TRPM6: variants seen among roughly 807,000 people sequenced by gnomAD.
TRPM6 encodes transient receptor potential cation channel subfamily M member 6.
TRPM6 carries 111 observed loss-of-function variants against 247.6 expected under a neutral mutation model. That is an observed-to-expected ratio of 0.45 (90% CI 0.38 to 0.52). TRPM6 has a LOEUF of 0.52. Ranked by LOEUF, TRPM6 falls within the 20% of genes least tolerant of loss-of-function variation. The probability of loss-of-function intolerance (pLI) is 0.00; values close to 1 mark genes in which losing one functional copy is unlikely to be tolerated. For missense variants in TRPM6, 2,126 were observed against 2,421.5 expected (o/e 0.88, Z 2.56); for synonymous variants, 892 against 853.8 (o/e 1.04, Z -0.78).
Position 74,832,988 on chromosome 9 carries a change from T to C in TRPM6, c.669+1010A>G, listed in dbSNP as rs532969535. On this transcript the variant is annotated intron_variant, in intron 6 of 38. Coordinates refer to ENST00000360774, the MANE Select transcript of TRPM6 (RefSeq NM_017662.5). ...ATTGCTTGAACCCAGGAGGTGGAGATTGCAGTGAGCCAAGACTGCGCCACT... is the reference window on the plus strand; with the variant it reads ...ATTGCTTGAACCCAGGAGGTGGAGACTGCAGTGAGCCAAGACTGCGCCACT... Among the ~76,000 whole-genome samples the C allele has an allele frequency of 4.3e-4, 66 of 151,980 alleles. 1 individual carries two copies. The South Asian group carries it at 0.014, about 31-fold the overall frequency.
Position 74,746,013 on chromosome 9 carries a change from C to A in TRPM6, c.5084-1868G>T, listed in dbSNP as rs202040443. Among the ~76,000 whole-genome samples, 17 of 152,160 alleles carry A rather than the reference C, an allele frequency of 1.1e-4. No individual in the cohort carries two copies. The East Asian group carries it at 2.9e-3, about 26-fold the overall frequency. On this transcript the variant is annotated intron_variant, in intron 31 of 38. Coordinates refer to ENST00000360774, the MANE Select transcript of TRPM6 (RefSeq NM_017662.5). ...ATCCCAAAACTTTGGGAGGCCGAGG[C>A]GAGCAGATCACGAGGTCAGAAGATT... is the stretch of plus-strand genomic sequence containing the variant.
intron 19 of TRPM6, among the ~76,000 whole-genome samples, chr9:74,791,940 G>T (rs1028953925): frequency 2.6e-5 from 4 of 152,104 alleles, no homozygotes; most frequent in African/African-American, 9.7e-5. Context: ...TGTATTTTTA[G>T]TAGAGACGGG....
chr9:74,797,666 A>G (rs1254844432), intron 17 of TRPM6, among the ~76,000 whole-genome samples: 1 of 152,174 alleles, frequency 6.6e-6, no homozygotes, highest in Non-Finnish European at 1.5e-5. Context: ...CATTTTTGTT[A>G]AAAAATAAAA....
At chr9:74,802,464 T>G (rs938936864) in intron 15 of TRPM6, among the ~76,000 whole-genome samples, 1 of 152,144 alleles carries the variant, frequency 6.6e-6, no homozygotes, top group African/African-American at 2.4e-5. Context: ...TTAATTGAAT[T>G]TGAAAGATGG....
rs1274416535 is a variant in TRPM6, at chr9:74,782,463, C to T, written c.3108G>A (p.Gln1036=). ...GAAAAGAACCAGGAGGGCAGGATGG[C>T]TGGCTTGAACAAACTACAAATAAAG... ...YAGEIDVCSS[Q]PSCPPGSFLT... is the part of the protein sequence containing the mutation. The change falls in exon 23 of 39, where the codon CAG becomes CAA. Residue 1036 remains glutamine (Q), a synonymous_variant. Transcript: ENST00000360774. 3.1e-6 allele frequency: 5 copies of T among 1,613,706 alleles called. No homozygotes were observed. Among genetic ancestry groups the T allele is most frequent in the Non-Finnish European group, 3.4e-6 (4 of 1,179,732 alleles).
intron 31 of TRPM6, among the ~76,000 whole-genome samples, chr9:74,747,450 G>A (rs1826087338): frequency 6.6e-6 from 1 of 152,156 alleles, no homozygotes. Flanking sequence ...TAATTATAGT[G>A]GCTTTACCAG....
At chr9:74,831,122 A>C (rs1829532142) in intron 6 of TRPM6, among the ~76,000 whole-genome samples, 1 of 152,214 alleles carries the variant, frequency 6.6e-6, no homozygotes, top group African/African-American at 2.4e-5. Context: ...TCATTGATTC[A>C]ATACAGTACA....
intron 19 of TRPM6, among the ~76,000 whole-genome samples, chr9:74,791,433 T>C (rs1827892021): frequency 6.6e-6 from 1 of 152,046 alleles, no homozygotes; most frequent in East Asian, 1.9e-4. Context: ...AGATAAGCAT[T>C]AGAAAAATAA....
At chr9:74,747,445 A>T (rs920862854) in intron 31 of TRPM6, among the ~76,000 whole-genome samples, 2 of 152,228 alleles carry the variant, frequency 1.3e-5, no homozygotes, top group Non-Finnish European at 2.9e-5. Flanking sequence ...GAGAGTAATT[A>T]TAGTGGCTTT....
chr9:74,745,537 T>C (rs777054218), intron 31 of TRPM6, among the ~76,000 whole-genome samples: 1 of 152,116 alleles, frequency 6.6e-6, no homozygotes, highest in Non-Finnish European at 1.5e-5. Context: ...GTTGCTGTTT[T>C]ATATAGGGTG....
chr9:74,747,961 C>T, intron 30 of TRPM6, 47 bp from the exon 31 acceptor site: 1 of 1,575,190 alleles, frequency 6.3e-7, no homozygotes, highest in Non-Finnish European at 8.7e-7. Flanking sequence ...TGCCTTAAAT[C>T]TTACAGTTAT....
chr9:74,828,622 CCTTT>C (rs1378100674), intron 6 of TRPM6, among the ~76,000 whole-genome samples: 3 of 150,626 alleles, frequency 2.0e-5, no homozygotes, highest in African/African-American at 7.3e-5. Flanking sequence ...ATTTTTTTTT[CCTTT>C]CTTTCTTTTT....
intron 36 of TRPM6, among the ~76,000 whole-genome samples, chr9:74,733,976 T>C (rs577374036): frequency 2.0e-5 from 3 of 152,330 alleles, no homozygotes; most frequent in African/African-American, 7.2e-5. Flanking sequence ...TGTATGCTTA[T>C]GGTATGTGAA....
Position 74,864,529 on chromosome 9 carries a change from T to A in TRPM6, c.34-5781A>T, listed in dbSNP as rs571591738. 3.3e-4 allele frequency among the ~76,000 whole-genome samples: 51 copies of A among 152,316 alleles called. 1 individual carries two copies. Among genetic ancestry groups the A allele is most frequent in the African/African-American group, 1.2e-3 (50 of 41,568 alleles). Reference sequence around the variant, plus strand: ...GTTCCACCAACACTACCAGAAAGTGTGTTGACTGATTTTCCACTAAATAGT... The same window carrying A: ...GTTCCACCAACACTACCAGAAAGTGAGTTGACTGATTTTCCACTAAATAGT... On this transcript the variant is annotated intron_variant, in intron 1 of 38. Coordinates refer to ENST00000360774, the MANE Select transcript of TRPM6 (RefSeq NM_017662.5).
At position 74,834,727 on chromosome 9, in the gene TRPM6, C is replaced by T. The variant is rs771184919; in HGVS notation, c.545-605G>A. ...TGCGGTGTCTGGTTTTCTGTCCTTG[C>T]GATAGTTTGCTCATCTATGTCCCTA... On this transcript the variant is annotated intron_variant, in intron 5 of 38. Transcript: ENST00000360774. 5.3e-5 allele frequency among the ~76,000 whole-genome samples: 8 copies of T among 150,992 alleles called. No individual in the cohort carries two copies. The South Asian group carries it at 8.4e-4, about 16-fold the overall frequency.
At position 74,762,146 on chromosome 9, in the gene TRPM6, T is replaced by C; in HGVS notation, c.4525A>G (p.Ser1509Gly). ...GGTCCCACCTCTGAGCATTCACTAC[T>C]CTGGGCCGATCTTGTTGAGTTATCA... Reference protein sequence around the residue: ...LSDNSTRSAQSSECSEVGPWL... With the variant: ...LSDNSTRSAQGSECSEVGPWL... Residue 1509 changes from serine to glycine, a missense_variant, in exon 26 of 39, where the codon AGT becomes GGT. Ser to Gly is a moderately conservative substitution (Grantham distance 56). Transcript: ENST00000360774. The C allele has an allele frequency of 1.2e-6, 2 of 1,614,222 alleles. No individual in the cohort carries two copies. Among genetic ancestry groups the C allele is most frequent in the Non-Finnish European group, 1.7e-6 (2 of 1,180,012 alleles).
At chr9:74,870,158 C>T (rs887722722) in intron 1 of TRPM6, among the ~76,000 whole-genome samples, 17 of 151,822 alleles carry the variant, frequency 1.1e-4, no homozygotes, top group African/African-American at 3.9e-4. Flanking sequence ...ATGAAATCCT[C>T]TCTCACCAAA....
At chr9:74,755,609 A>T in intron 27 of TRPM6, 136 bp from the exon 28 acceptor site, 1 of 1,108,080 alleles carries the variant, frequency 9.0e-7, no homozygotes, top group Non-Finnish European at 1.4e-6. Flanking sequence ...GGAAGTGCTG[A>T]CAAATCCCAT....
chr9:74,749,822 G>A (rs541165512), intron 30 of TRPM6, among the ~76,000 whole-genome samples: 49 of 152,132 alleles, frequency 3.2e-4, no homozygotes, highest in Non-Finnish European at 5.4e-4. Flanking sequence ...TAAGTCTGGA[G>A]GCAGGCTTGC....
Sources: gnomAD v4.1 joint callset for allele counts (sites outside exome capture counted in the v4.1 genomes callset) on GRCh38, gnomAD v4.1.1 for gene constraint, MANE v1.5 for transcripts, NCBI Gene and HGNC (gene_info 2026-07-23, HGNC 2026-07-21) for gene names.